Variants in FBH1 observed in about 807,000 individuals in gnomAD.
The protein encoded by FBH1 is F-box DNA helicase 1, also known as DNA 3'-5' helicase 1.
In FBH1, 43 loss-of-function variants were observed where a neutral mutation model predicts 115.5. That is an observed-to-expected ratio of 0.37 (90% CI 0.29 to 0.48). The LOEUF is 0.48. Among genes scored for constraint, FBH1 ranks in the 20% least tolerant of loss-of-function variants. FBH1 has a pLI of 0.99. For missense variants in FBH1, 1,001 were observed against 1,337.3 expected (o/e 0.75, Z 3.92); for synonymous variants, 524 against 507.8 (o/e 1.03, Z -0.43).
In FBH1 at chr10:5,895,798, A is replaced by G. The variant is rs1842970235; in HGVS notation, c.1+5452A>G. Among the ~76,000 whole-genome samples the G allele has an allele frequency of 6.6e-6, 1 of 152,078 alleles. No individual in the cohort carries two copies. The highest frequency in any genetic ancestry group is 2.4e-5 in the African/African-American group (1 of 41,402). ...TCCCAGTTAAGGGGAAGAGGAGAAG[A>G]GTGGAGGGCAGGTCTGGAAGAGGCG... On this transcript the variant is annotated intron_variant, in intron 1 of 20. Coordinates refer to ENST00000362091, the MANE Select transcript of FBH1 (RefSeq NM_178150.3). This position sits in a 1 kb window ranked among gnomAD's most constrained non-coding sequence, Gnocchi z 5.0.
Position 5,913,942 on chromosome 10 carries a change from T to C in FBH1, c.1304+103T>C. On this transcript the variant is annotated intron_variant, in intron 7 of 20. Transcript: ENST00000362091. The surrounding 1 kb of genome is among the most constrained non-coding windows in gnomAD (Gnocchi z 4.4). ...TTCACTTTAGCAACATCATTGAGGT[T>C]AATAATGTAAATTGTGTAAAACTCA... is the stretch of plus-strand genomic sequence containing the variant. 1 of 950,074 alleles carries C rather than the reference T, an allele frequency of 1.1e-6. No individual in the cohort carries two copies. Among genetic ancestry groups the C allele is most frequent in the Admixed American group, 2.6e-5 (1 of 37,818 alleles). 58.9% of individuals were successfully genotyped at this position (950,074 alleles called of 1,614,324 possible). A position where few individuals can be genotyped will look rare whatever the true frequency, so the allele number is the denominator to read the frequency against.
At position 5,936,572 on chromosome 10, in the gene FBH1, G is replaced by C. The variant is rs201012273; in HGVS notation, c.2946G>C (p.Lys982Asn). The change falls in exon 20 of 21, where the codon AAG becomes AAC. Residue 982 changes from lysine to asparagine, a missense_variant. By Grantham distance (94) the Lys-to-Asn change is moderately conservative (BLOSUM62 0). Coordinates refer to ENST00000362091, the MANE Select transcript of FBH1 (RefSeq NM_178150.3). The surrounding 1 kb of genome is among the most constrained non-coding windows in gnomAD (Gnocchi z 5.6). ...TTGACACCGTCCTTACCATGAAGAAGCTGCCCATCACCTATGTACGTCTGC... is the reference window on the plus strand; with the variant it reads ...TTGACACCGTCCTTACCATGAAGAACCTGCCCATCACCTATGTACGTCTGC... ...IPVDTVLTMKKLPITYSNRKE... is the reference protein window; with the variant it reads ...IPVDTVLTMKNLPITYSNRKE... The C allele has an allele frequency of 4.6e-5, 75 of 1,613,988 alleles. No homozygotes were observed. Among genetic ancestry groups the C allele is most frequent in the Non-Finnish European group, 5.7e-5 (67 of 1,179,994 alleles).
rs914133617 is a variant in FBH1 at position 5,923,141 on chromosome 10, C to T, written c.2323-480C>T. On this transcript the variant is annotated intron_variant, in intron 15 of 20. Coordinates refer to ENST00000362091, the MANE Select transcript of FBH1 (RefSeq NM_178150.3). The surrounding 1 kb of genome is among the most constrained non-coding windows in gnomAD (Gnocchi z 5.7). ...CAAGTGATCCACCTGCCTCAGCCTC[C>T]CAAAGTGCTGGGATTACAGGCATGA... Among the ~76,000 whole-genome samples, 4 of 152,132 alleles carry T rather than the reference C, an allele frequency of 2.6e-5. No homozygotes were observed. The highest frequency in any genetic ancestry group is 2.0e-4 in the Admixed American group (3 of 15,276).
chr10:5,910,821 A>T lies in FBH1; in HGVS notation c.1021-117A>T. 2 of 848,160 alleles carry T rather than the reference A, an allele frequency of 2.4e-6. No homozygotes were observed. Among genetic ancestry groups the T allele is most frequent in the Non-Finnish European group, 3.6e-6 (2 of 557,390 alleles). 52.5% of individuals were successfully genotyped at this position (848,160 alleles called of 1,614,324 possible). On this transcript the variant is annotated intron_variant, in intron 5 of 20. Coordinates refer to ENST00000362091, the MANE Select transcript of FBH1 (RefSeq NM_178150.3). This position sits in a 1 kb window ranked among gnomAD's most constrained non-coding sequence, Gnocchi z 4.8. ...CTTGGAAAGTTTGGATTCAGTCCAGACAGTCTGTAGCCAGCAGCTGGACCC... is the reference window on the plus strand; with the variant it reads ...CTTGGAAAGTTTGGATTCAGTCCAGTCAGTCTGTAGCCAGCAGCTGGACCC...
intron 1 of FBH1, among the ~76,000 whole-genome samples, chr10:5,894,683 A>G (rs1010753396): frequency 6.6e-6 from 1 of 152,252 alleles, no homozygotes; most frequent in Non-Finnish European, 1.5e-5. Flanking sequence ...GAAGTGCTGC[A>G]GCTGCACATT....
At chr10:5,889,580 G>T (rs1842561227), upstream of FBH1, 1 of 244,746 alleles carries the variant, frequency 4.1e-6, no homozygotes, top group Non-Finnish European at 7.6e-6. Context: ...TCACAGCCCC[G>T]GCCTGCCCCG....
Position 5,924,702 on chromosome 10 carries a change from G to A in FBH1, c.2596+194G>A, listed in dbSNP as rs1237418169. 9 of 644,928 alleles carry A rather than the reference G, an allele frequency of 1.4e-5. No homozygotes were observed. Among genetic ancestry groups the A allele is most frequent in the East Asian group, 3.2e-5 (1 of 30,922 alleles). The allele number at this position is 644,928 out of a possible 1,614,324, so 40.0% of individuals were successfully genotyped here. ...CCTGCCTCAGCCTCGTGAGTAGCTG[G>A]GACTACAGGCCCCACCACCAGCCCG... On this transcript the variant is annotated intron_variant, in intron 17 of 20. Coordinates refer to ENST00000362091, the MANE Select transcript of FBH1 (RefSeq NM_178150.3). The surrounding 1 kb of genome is among the most constrained non-coding windows in gnomAD (Gnocchi z 6.2).
Position 5,900,197 on chromosome 10 carries a change from G to T in FBH1, c.2-2823G>T, listed in dbSNP as rs1321790148. ...AAGGATATTTCAATGTCTTAGGCAG[G>T]CTACTCACATAAGCCTTGTTAAATA... On this transcript the variant is annotated intron_variant, in intron 1 of 20. Coordinates refer to ENST00000362091, the MANE Select transcript of FBH1 (RefSeq NM_178150.3). The surrounding 1 kb of genome is among the most constrained non-coding windows in gnomAD (Gnocchi z 4.2). Among the ~76,000 whole-genome samples the T allele has an allele frequency of 6.6e-6, 1 of 152,238 alleles. No homozygotes were observed. Among genetic ancestry groups the T allele is most frequent in the Non-Finnish European group, 1.5e-5 (1 of 68,040 alleles).
At chr10:5,904,756 A>G (rs1377252432) in intron 2 of FBH1, among the ~76,000 whole-genome samples, 1 of 152,160 alleles carries the variant, frequency 6.6e-6, no homozygotes, top group Non-Finnish European at 1.5e-5. Context: ...CCCTGATCAT[A>G]TGGATTTAAC....
intron 1 of FBH1, 101 bp from the exon 2 acceptor site, chr10:5,902,919 G>T: frequency 8.7e-7 from 1 of 1,151,330 alleles, no homozygotes; most frequent in Non-Finnish European, 1.2e-6. Flanking sequence ...TGACAAAATC[G>T]TGTCACTATG....
In FBH1 at chr10:5,917,317, G is replaced by A; in HGVS notation, c.1789-103G>A. On this transcript the variant is annotated intron_variant, in intron 10 of 20. Coordinates refer to ENST00000362091, the MANE Select transcript of FBH1 (RefSeq NM_178150.3). The surrounding 1 kb of genome is among the most constrained non-coding windows in gnomAD (Gnocchi z 5.6). ...GTGTCTGCGGTCCCCCTTCTGTGAG[G>A]ATGCCCTGGCTCCACTGCTGTATGG... 1 of 916,890 alleles carries A rather than the reference G, an allele frequency of 1.1e-6. No homozygotes were observed. 56.8% of individuals were successfully genotyped at this position (916,890 alleles called of 1,614,324 possible). A position where few individuals can be genotyped will look rare whatever the true frequency, so the allele number is the denominator to read the frequency against.
In FBH1 at chr10:5,917,311, T is replaced by A. The variant is rs1832026866; in HGVS notation, c.1789-109T>A. 3.5e-6 allele frequency: 3 copies of A among 868,152 alleles called. No homozygotes were observed. In the South Asian group the frequency reaches 4.5e-5, roughly 13 times the overall value. 53.8% of individuals were successfully genotyped at this position (868,152 alleles called of 1,614,324 possible). ...AGGGTGGTGTCTGCGGTCCCCCTTC[T>A]GTGAGGATGCCCTGGCTCCACTGCT... On this transcript the variant is annotated intron_variant, in intron 10 of 20. Transcript: ENST00000362091. The surrounding 1 kb of genome is among the most constrained non-coding windows in gnomAD (Gnocchi z 5.6).
chr10:5,893,695 T>C (rs1842860540), intron 1 of FBH1, among the ~76,000 whole-genome samples: 1 of 152,242 alleles, frequency 6.6e-6, no homozygotes, highest in Non-Finnish European at 1.5e-5. Flanking sequence ...GTAGTTGTTA[T>C]ATTACTTTAT....
chr10:5,894,254 G>A (rs764104074), intron 1 of FBH1: 28 of 1,394,690 alleles, frequency 2.0e-5, no homozygotes, highest in Admixed American at 2.9e-5. Context: ...TTTCCATTTC[G>A]GGTCTACAGC....
chr10:5,890,307 C>G lies in FBH1; in HGVS notation c.-39C>G. 2.7e-6 allele frequency: 1 copy of G among 373,214 alleles called. No individual in the cohort carries two copies. The highest frequency in any genetic ancestry group is 5.0e-6 in the Non-Finnish European group (1 of 200,344). 23.1% of individuals were successfully genotyped at this position (373,214 alleles called of 1,614,324 possible). On this transcript the variant is annotated 5_prime_UTR_variant, in exon 1 of 21. Transcript: ENST00000362091. ...GGCTGAGCGGCCGGCGGCGCGGGCC[C>G]GGCGGCGGCGGCAGCGGGGTCCGGG...
chr10:5,899,541 C>T (rs1431770543), intron 1 of FBH1, among the ~76,000 whole-genome samples: 1 of 152,184 alleles, frequency 6.6e-6, no homozygotes, highest in East Asian at 1.9e-4. Flanking sequence ...CTGTACTGAC[C>T]AGCTCTGAAG....
rs1451810549 is a variant in FBH1, at chr10:5,915,888, G to C, written c.1565+317G>C. Reference sequence around the variant, plus strand: ...TCAGTTGTAGGCTTTTCTTGGAAGGGAGTGAGGAAGACTCAGCCGAGGCAC... The same window carrying C: ...TCAGTTGTAGGCTTTTCTTGGAAGGCAGTGAGGAAGACTCAGCCGAGGCAC... On this transcript the variant is annotated intron_variant, in intron 9 of 20. Coordinates refer to ENST00000362091, the MANE Select transcript of FBH1 (RefSeq NM_178150.3). This position sits in a 1 kb window ranked among gnomAD's most constrained non-coding sequence, Gnocchi z 5.2. The C allele has an allele frequency of 1.3e-5, 6 of 464,998 alleles. No homozygotes were observed. The highest frequency in any genetic ancestry group is 2.3e-5 in the Non-Finnish European group (6 of 258,558). 28.8% of individuals were successfully genotyped at this position (464,998 alleles called of 1,614,324 possible).
At chr10:5,899,525 T>C (rs1411664918) in intron 1 of FBH1, among the ~76,000 whole-genome samples, 1 of 152,192 alleles carries the variant, frequency 6.6e-6, no homozygotes, top group Non-Finnish European at 1.5e-5. Context: ...GTTCTAATTG[T>C]AGATACTGTA....
In FBH1 at chr10:5,918,214, A is replaced by T; in HGVS notation, c.1964-128A>T. 1 of 1,100,868 alleles carries T rather than the reference A, an allele frequency of 9.1e-7. No individual in the cohort carries two copies. Among genetic ancestry groups the T allele is most frequent in the Non-Finnish European group, 1.3e-6 (1 of 764,702 alleles). The allele number at this position is 1,100,868 out of a possible 1,614,324, so 68.2% of individuals were successfully genotyped here. ...GCTTTTGATGGAGTGTGCCTGTCCT[A>T]CAGGAAAAGGCGACCGTGAGGTCCA... is the stretch of plus-strand genomic sequence containing the variant. On this transcript the variant is annotated intron_variant, in intron 12 of 20. Coordinates refer to ENST00000362091, the MANE Select transcript of FBH1 (RefSeq NM_178150.3). This position sits in a 1 kb window ranked among gnomAD's most constrained non-coding sequence, Gnocchi z 4.0.
Sources: allele counts gnomAD v4.1 joint callset (sites outside exome capture counted in the v4.1 genomes callset), GRCh38; gene constraint gnomAD v4.1.1; non-coding constraint Gnocchi (gnomAD v3.1); transcripts MANE v1.5; gene names NCBI Gene and HGNC (gene_info 2026-07-23, HGNC 2026-07-21).